Variants in HMGN1 observed in about 807,000 individuals in gnomAD.
HMGN1 encodes the protein non-histone chromosomal protein HMG-14.
HMGN1 carries 9 observed loss-of-function variants against 18.4 expected under a neutral mutation model. That is an observed-to-expected ratio of 0.49 (90% CI 0.29 to 0.85). The LOEUF (loss-of-function observed/expected upper bound fraction) is 0.85, where lower values mean the gene tolerates loss of function less well. HMGN1 is among the 40% of genes least tolerant of loss of function. The pLI is 0.07. For synonymous variants in HMGN1, 59 were observed against 45.0 expected (o/e 1.31, Z -1.24); for missense variants, 151 against 119.2 (o/e 1.27, Z -1.24).
At chr21:39,344,953 A>C (rs554613555) in intron 5 of HMGN1, among the ~76,000 whole-genome samples, 193 bp downstream of exon 5, 6 of 152,336 alleles carry the variant, frequency 3.9e-5, no homozygotes, top group African/African-American at 1.4e-4. Flanking sequence ...TAAATAAGCC[A>C]TTTACATATT....
At chr21:39,347,634 A>C (rs1447715601) in intron 4 of HMGN1, 1 of 350,724 alleles carries the variant, frequency 2.9e-6, no homozygotes, top group Non-Finnish European at 5.6e-6. Flanking sequence ...CACAAAGCTT[A>C]TACTTGTTTT....
At chr21:39,346,339 T>C (rs2146856916) in intron 4 of HMGN1, 1 of 189,228 alleles carries the variant, frequency 5.3e-6, no homozygotes, top group African/African-American at 2.4e-5. Context: ...AAATGATAAA[T>C]GTATTTGAGA....
chr21:39,348,498 G>T, intron 2 of HMGN1, 47 bp from the exon 3 acceptor site: 1 of 1,614,106 alleles, frequency 6.2e-7, no homozygotes, highest in Non-Finnish European at 8.5e-7. Context: ...AGGCAGGCCA[G>T]CGGCTCACGG....
chr21:39,347,770 G>T (rs1391384922), intron 4 of HMGN1: 4 of 288,936 alleles, frequency 1.4e-5, no homozygotes, highest in African/African-American at 2.3e-5. Flanking sequence ...CCAAAATCAC[G>T]GTTTTGTATA....
chr21:39,343,370 G>GA (rs903084115), intron 5 of HMGN1, among the ~76,000 whole-genome samples: 8 of 149,828 alleles, frequency 5.3e-5, no homozygotes, highest in Admixed American at 4.7e-4. Flanking sequence ...TACAGAGCAG[G>GA]AAAAAATGTT....
Position 39,342,969 on chromosome 21 carries a change from G to T in HMGN1, c.*143C>A. On this transcript the variant is annotated 3_prime_UTR_variant, in exon 6 of 6. Coordinates refer to ENST00000380749, the MANE Select transcript of HMGN1 (RefSeq NM_004965.7). ...AAAAAGCATTTACACTTAAAAAATG[G>T]GATGAGGTGGGATTCCCTCCTTCTT... 7 of 1,174,230 alleles carry T rather than the reference G, an allele frequency of 6.0e-6. No individual in the cohort carries two copies. Among genetic ancestry groups the T allele is most frequent in the Non-Finnish European group, 8.6e-6 (7 of 815,266 alleles). 72.7% of individuals were successfully genotyped at this position (1,174,230 alleles called of 1,614,324 possible).
chr21:39,344,883 T>C (rs1305895201), intron 5 of HMGN1, among the ~76,000 whole-genome samples: 2 of 152,018 alleles, frequency 1.3e-5, no homozygotes, highest in East Asian at 1.9e-4. Flanking sequence ...ATCCAGAATA[T>C]AAAAACAAAA....
At chr21:39,345,705 C>G in intron 4 of HMGN1, 1 of 573,102 alleles carries the variant, frequency 1.7e-6, no homozygotes, top group South Asian at 1.5e-5. Flanking sequence ...CATGACAGGA[C>G]AATGTCATGA....
chr21:39,347,498 G>A (rs949659845), intron 4 of HMGN1: 50 of 1,213,190 alleles, frequency 4.1e-5, no homozygotes, highest in African/African-American at 6.2e-5. Flanking sequence ...TAGGAAAGAG[G>A]TGAAGGCATT....
At chr21:39,345,435 A>C (rs1329456911) in intron 4 of HMGN1, 161 bp from the exon 5 acceptor site, 3 of 659,210 alleles carry the variant, frequency 4.6e-6, no homozygotes, top group Non-Finnish European at 7.8e-6. Flanking sequence ...GTGAAACCCC[A>C]ATCTTCAAGC....
At chr21:39,348,256 G>A in intron 4 of HMGN1, 36 bp downstream of exon 4, 1 of 1,612,276 alleles carries the variant, frequency 6.2e-7, no homozygotes, top group Non-Finnish European at 8.5e-7. Flanking sequence ...GTAGCCTAAG[G>A]CCCCGCTGCA....
In HMGN1 at chr21:39,348,404, G is replaced by C. The variant is rs201338982; in HGVS notation, c.78+18C>G. On this transcript the variant is annotated intron_variant, in intron 3 of 5. Transcript: ENST00000380749. ...CGACCCGCGGAAAACGAACGGTTAC[G>C]GGGCTCGCTTTACTTACAGCTGACA... 6.2e-7 allele frequency: 1 copy of C among 1,614,156 alleles called. No homozygotes were observed. The highest frequency in any genetic ancestry group is 1.1e-5 in the South Asian group (1 of 91,082).
At chr21:39,347,814 T>G (rs563434967) in intron 4 of HMGN1, 31 of 399,098 alleles carry the variant, frequency 7.8e-5, no homozygotes, top group Middle Eastern at 1.1e-3. Context: ...TAGTGGCGGT[T>G]ATTTTCTCAG....
At chr21:39,344,184 A>C (rs2036960541) in intron 5 of HMGN1, among the ~76,000 whole-genome samples, 1 of 142,940 alleles carries the variant, frequency 7.0e-6, no homozygotes, top group Non-Finnish European at 1.5e-5. Context: ...TGAACCCGGG[A>C]GGTGGAGGAT....
At chr21:39,345,863 G>T in intron 4 of HMGN1, 1 of 1,303,040 alleles carries the variant, frequency 7.7e-7, no homozygotes, top group South Asian at 1.2e-5. Context: ...CGGTCAGGTT[G>T]ACTATCCTGC....
At position 39,342,920 on chromosome 21, in the gene HMGN1, C is replaced by G. The variant is rs745988983; in HGVS notation, c.*192G>C. On this transcript the variant is annotated 3_prime_UTR_variant, in exon 6 of 6. Transcript: ENST00000380749. ...CTGGTTGTACCAAAAAATAAACAAC[C>G]AGCAAATGATTTCACCTCTTAAAAA... 267 of 1,276,628 alleles carry G rather than the reference C, an allele frequency of 2.1e-4. 1 individual carries two copies. The highest frequency in any genetic ancestry group is 2.6e-4 in the Middle Eastern group (1 of 3,840). 79.1% of individuals were successfully genotyped at this position (1,276,628 alleles called of 1,614,324 possible).
At chr21:39,343,420 GTCT>G (rs1261961049) in intron 5 of HMGN1, among the ~76,000 whole-genome samples, 2 of 152,200 alleles carry the variant, frequency 1.3e-5, no homozygotes, top group Non-Finnish European at 1.5e-5. Flanking sequence ...AGGTCACTCT[GTCT>G]TCTTGTTTCA....
chr21:39,344,035 A>G (rs889916643), intron 5 of HMGN1, among the ~76,000 whole-genome samples: 1 of 152,132 alleles, frequency 6.6e-6, no homozygotes, highest in Non-Finnish European at 1.5e-5. Flanking sequence ...CGGACAGATC[A>G]CCTGAGGTCA....
At position 39,342,873 on chromosome 21, in the gene HMGN1, A is replaced by G; in HGVS notation, c.*239T>C. 7.0e-7 allele frequency: 1 copy of G among 1,437,194 alleles called. No individual in the cohort carries two copies. Among genetic ancestry groups the G allele is most frequent in the South Asian group, 1.2e-5 (1 of 81,688 alleles). 89.0% of individuals were successfully genotyped at this position (1,437,194 alleles called of 1,614,324 possible). ...CCCGAGACAGTCAGAGCCTCCCATA[A>G]TTCAATATCCCACACTATTTTCTGG... is the stretch of plus-strand genomic sequence containing the variant. On this transcript the variant is annotated 3_prime_UTR_variant, in exon 6 of 6. Transcript: ENST00000380749.
Sources: allele counts gnomAD v4.1 joint callset (sites outside exome capture counted in the v4.1 genomes callset), GRCh38; gene constraint gnomAD v4.1.1; transcripts MANE v1.5; gene names NCBI Gene and HGNC (gene_info 2026-07-23, HGNC 2026-07-21).